The following PLXDC2 variants were observed in gnomAD, a reference collection of about 807,000 sequenced individuals.
PLXDC2 encodes the protein plexin domain containing 2, also known as plexin domain-containing protein 2.
In PLXDC2, 40 loss-of-function variants were observed where a neutral mutation model predicts 68.9. That is an observed-to-expected ratio of 0.58 (90% CI 0.45 to 0.76). The LOEUF (loss-of-function observed/expected upper bound fraction) is 0.76. Among genes scored for constraint, PLXDC2 ranks in the 30% least tolerant of loss-of-function variants. The probability of loss-of-function intolerance (pLI) is 0.00; values close to 1 mark genes in which losing one functional copy is unlikely to be tolerated. For missense variants in PLXDC2, 644 were observed against 661.9 expected (o/e 0.97, Z 0.30); for synonymous variants, 243 against 234.2 (o/e 1.04, Z -0.34).
At chr10:20,064,819 A>G (rs1256516125) in intron 3 of PLXDC2, among the ~76,000 whole-genome samples, 1 of 152,140 alleles carries the variant, frequency 6.6e-6, no homozygotes, top group East Asian at 1.9e-4. Flanking sequence ...AGGATTGGAA[A>G]GATGAATGTC....
At chr10:20,231,287 ATGTT>A (rs1326202449) in intron 12 of PLXDC2, among the ~76,000 whole-genome samples, 5 of 150,014 alleles carry the variant, frequency 3.3e-5, no homozygotes, top group African/African-American at 7.3e-5. Context: ...ATATATATAA[ATGTT>A]TGATATATAT....
At chr10:19,997,246 C>T (rs1173859971) in intron 1 of PLXDC2, among the ~76,000 whole-genome samples, 3 of 152,182 alleles carry the variant, frequency 2.0e-5, no homozygotes, top group African/African-American at 7.2e-5. Context: ...AAAGATATAA[C>T]TATTTTCTAT....
intron 2 of PLXDC2, among the ~76,000 whole-genome samples, chr10:20,003,633 T>G (rs572797540): frequency 6.6e-6 from 1 of 152,264 alleles, no homozygotes; most frequent in South Asian, 2.1e-4. Flanking sequence ...GGTTTCACCA[T>G]GTTGGCCAGG....
chr10:19,975,525 A>C (rs1443183342), intron 1 of PLXDC2, among the ~76,000 whole-genome samples: 2 of 152,138 alleles, frequency 1.3e-5, no homozygotes, highest in Non-Finnish European at 2.9e-5. Flanking sequence ...TTAGTTCTTT[A>C]AATTTAATCC....
At chr10:20,019,847 G>C (rs931593921) in intron 2 of PLXDC2, among the ~76,000 whole-genome samples, 1 of 151,952 alleles carries the variant, frequency 6.6e-6, no homozygotes, top group Non-Finnish European at 1.5e-5. Flanking sequence ...GGCAGCACAG[G>C]CATATTAAGA....
rs148371823 is a variant in PLXDC2 at position 20,211,453 on chromosome 10, G to A, written c.1062-216G>A. Among the ~76,000 whole-genome samples the A allele has an allele frequency of 5.9e-4, 90 of 152,246 alleles. 2 individuals are homozygous for A. In the East Asian group the frequency reaches 0.017, roughly 29 times the overall value. On this transcript the variant is annotated intron_variant, in intron 9 of 13. Coordinates refer to ENST00000377252, the MANE Select transcript of PLXDC2 (RefSeq NM_032812.9). ...TAACAGTGATTTGGTTGCCATGTGC[G>A]ATCCTAACAGTGACATCCTAAGGAA...
At chr10:20,085,137 C>T (rs966490700) in intron 4 of PLXDC2, among the ~76,000 whole-genome samples, 5 of 151,128 alleles carry the variant, frequency 3.3e-5, no homozygotes, top group African/African-American at 9.8e-5. Context: ...CAGCTTGGCA[C>T]CGTTAGTACC....
chr10:19,835,867 G>A (rs950939162), intron 1 of PLXDC2, among the ~76,000 whole-genome samples: 9 of 152,078 alleles, frequency 5.9e-5, no homozygotes, highest in African/African-American at 1.9e-4. Context: ...TGACGTGCCA[G>A]CCTTTTAAAA....
intron 2 of PLXDC2, among the ~76,000 whole-genome samples, chr10:20,012,891 C>T (rs138386313): frequency 2.9e-3 from 434 of 152,262 alleles, no homozygotes; most frequent in African/African-American, 9.9e-3. Flanking sequence ...AAGTACTGAA[C>T]TTGGCAGCCC....
At chr10:20,057,021 A>G (rs561299585) in intron 3 of PLXDC2, among the ~76,000 whole-genome samples, 1 of 152,138 alleles carries the variant, frequency 6.6e-6, no homozygotes, top group Non-Finnish European at 1.5e-5. Context: ...CAAGGCAGGT[A>G]TTTACTCTGC....
chr10:20,009,939 A>T (rs780748967), intron 2 of PLXDC2, among the ~76,000 whole-genome samples: 59 of 151,982 alleles, frequency 3.9e-4, no homozygotes, highest in South Asian at 1.2e-3. Context: ...GAGTGAAAAG[A>T]TGAGTTAAAT....
At chr10:20,096,503 G>A (rs1437836714) in intron 4 of PLXDC2, among the ~76,000 whole-genome samples, 2 of 152,092 alleles carry the variant, frequency 1.3e-5, no homozygotes, top group Non-Finnish European at 2.9e-5. Flanking sequence ...TAAACAGCCA[G>A]CAGCAGCAGA....
chr10:20,051,789 G>C (rs1835906430), intron 3 of PLXDC2, among the ~76,000 whole-genome samples: 1 of 151,862 alleles, frequency 6.6e-6, no homozygotes, highest in African/African-American at 2.4e-5. Flanking sequence ...CACTAATCCA[G>C]GGACCATGCT....
At chr10:19,846,016 A>G (rs1410496336) in intron 1 of PLXDC2, among the ~76,000 whole-genome samples, 3 of 152,138 alleles carry the variant, frequency 2.0e-5, no homozygotes, top group Admixed American at 1.3e-4. Context: ...GTCTCTATCT[A>G]TGGAGGCTAT....
intron 1 of PLXDC2, among the ~76,000 whole-genome samples, chr10:19,933,355 T>C (rs2131391173): frequency 6.6e-6 from 1 of 152,238 alleles, no homozygotes; most frequent in South Asian, 2.1e-4. Flanking sequence ...TTAAAACACA[T>C]ATACACATGG....
At position 20,006,965 on chromosome 10, in the gene PLXDC2, G is replaced by T. The variant is rs369400412; in HGVS notation, c.324+4979G>T. Among the ~76,000 whole-genome samples, 6 of 152,316 alleles carry T rather than the reference G, an allele frequency of 3.9e-5. No individual in the cohort carries two copies. In the East Asian group the frequency reaches 9.6e-4, roughly 24 times the overall value. ...ATTCATACGGACGTATAACCACTTA[G>T]CCAGGTGAGAAGTAAAGTACCTTCT... On this transcript the variant is annotated intron_variant, in intron 2 of 13. Transcript: ENST00000377252.
intron 1 of PLXDC2, among the ~76,000 whole-genome samples, chr10:19,941,622 CTTTAAAT>C (rs1256316944): frequency 6.6e-6 from 1 of 152,174 alleles, no homozygotes; most frequent in Non-Finnish European, 1.5e-5. Flanking sequence ...GGGTCTGTCA[CTTTAAAT>C]AATGCCTAAT....
intron 1 of PLXDC2, among the ~76,000 whole-genome samples, chr10:19,823,001 C>T (rs1421584492): frequency 4.6e-5 from 7 of 151,858 alleles, no homozygotes; most frequent in Admixed American, 1.3e-4. Flanking sequence ...CTGCAAGCAC[C>T]GCCTCCCAGG....
chr10:20,197,099 G>A (rs1834850319), intron 9 of PLXDC2, among the ~76,000 whole-genome samples: 3 of 152,084 alleles, frequency 2.0e-5, no homozygotes, highest in African/African-American at 4.8e-5. Flanking sequence ...TGGAAATATA[G>A]CAGTGTTGTT....
Sources: allele counts gnomAD v4.1 joint callset (sites outside exome capture counted in the v4.1 genomes callset), GRCh38; gene constraint gnomAD v4.1.1; transcripts MANE v1.5; gene names NCBI Gene and HGNC (gene_info 2026-07-23, HGNC 2026-07-21).